Variants in CFAP299 observed in about 807,000 individuals in gnomAD.
CFAP299 encodes the protein cilia and flagella associated protein 299, also known as cilia- and flagella-associated protein 299.
A neutral mutation model predicts 27.0 loss-of-function variants in CFAP299; 21 were observed. That is an observed-to-expected ratio of 0.78 (90% CI 0.55 to 1.12). The LOEUF (loss-of-function observed/expected upper bound fraction) is 1.12, where lower values mean the gene tolerates loss of function less well. CFAP299 is among the 50% of genes most tolerant of loss of function. The pLI, the probability that CFAP299 is intolerant of heterozygous loss-of-function variation, is 0.00. For synonymous variants in CFAP299, 104 were observed against 98.1 expected (o/e 1.06, Z -0.36); for missense variants, 310 against 276.6 (o/e 1.12, Z -0.86).
chr4:80,901,179 CA>C (rs930598724), intron 4 of CFAP299, among the ~76,000 whole-genome samples: 6 of 151,344 alleles, frequency 4.0e-5, no homozygotes, highest in Admixed American at 2.6e-4. Context: ...TTATGGAGGG[CA>C]AAAAAAATAT....
At chr4:80,401,746 A>G (rs529883988) in intron 2 of CFAP299, among the ~76,000 whole-genome samples, 37 of 152,302 alleles carry the variant, frequency 2.4e-4, no homozygotes, top group African/African-American at 8.4e-4. Flanking sequence ...AAAGAGGGCA[A>G]CCATCCTCCA....
At chr4:80,916,228 C>T (rs2110207405) in intron 4 of CFAP299, among the ~76,000 whole-genome samples, 2 of 132,918 alleles carry the variant, frequency 1.5e-5, no homozygotes, top group South Asian at 5.0e-4. Context: ...TACCATTGCA[C>T]TCTGGTCTGG....
At chr4:80,734,542 A>C (rs1723743041) in intron 3 of CFAP299, among the ~76,000 whole-genome samples, 1 of 152,154 alleles carries the variant, frequency 6.6e-6, no homozygotes, top group Non-Finnish European at 1.5e-5. Context: ...ATTTTTGCCC[A>C]GACCAATGTC....
intron 2 of CFAP299, chr4:80,386,223 TGGGCCCTCGGCCCCG>T: frequency 9.9e-7 from 1 of 1,010,262 alleles, no homozygotes; most frequent in Non-Finnish European, 1.5e-6. Flanking sequence ...GCATGGCACA[TGGGCCCTCGGCCCCG>T]GCCTGCAGCC....
In CFAP299 at chr4:80,785,518, C is replaced by T. The variant is rs574122046; in HGVS notation, c.334-84475C>T. Among the ~76,000 whole-genome samples, 6 of 152,238 alleles carry T rather than the reference C, an allele frequency of 3.9e-5. No homozygotes were observed. The East Asian group carries it at 1.2e-3, about 29-fold the overall frequency. Reference sequence around the variant, plus strand: ...TTGGCAATTTTCTGCTGGATGCTTGCATTAAATGCCCCAAACATTTATTTA... The same window carrying T: ...TTGGCAATTTTCTGCTGGATGCTTGTATTAAATGCCCCAAACATTTATTTA... On this transcript the variant is annotated intron_variant, in intron 3 of 5. Coordinates refer to ENST00000358105, the MANE Select transcript of CFAP299 (RefSeq NM_152770.3).
chr4:80,800,436 T>A (rs1380821692), intron 3 of CFAP299, among the ~76,000 whole-genome samples: 1 of 62,392 alleles, frequency 1.6e-5, no homozygotes, highest in African/African-American at 6.8e-5. Context: ...ATATAATATA[T>A]AATATATTGA....
At chr4:80,324,726 T>G in the CFAP299 span, among the ~76,000 whole-genome samples, 1 of 152,338 alleles carries the variant, frequency 6.6e-6, no homozygotes, top group East Asian at 1.9e-4. Flanking sequence ...ATCAACAATC[T>G]TTTTTAACAA....
In CFAP299 at chr4:80,626,233, A is replaced by G. The variant is rs531613474; in HGVS notation, c.333+43050A>G. 5.9e-5 allele frequency among the ~76,000 whole-genome samples: 9 copies of G among 152,116 alleles called. No individual in the cohort carries two copies. In the South Asian group the frequency reaches 6.2e-4, roughly 10 times the overall value. ...TAATTAGAATTAACATAAATTAATT[A>G]GAGGAGACACTTTGGAAAATTTGGC... On this transcript the variant is annotated intron_variant, in intron 3 of 5. Coordinates refer to ENST00000358105, the MANE Select transcript of CFAP299 (RefSeq NM_152770.3).
intron 3 of CFAP299, among the ~76,000 whole-genome samples, chr4:80,838,960 C>A (rs1206799081): frequency 6.6e-6 from 1 of 152,072 alleles, no homozygotes; most frequent in South Asian, 2.1e-4. Flanking sequence ...TTACAATGAG[C>A]CTGGACTGAT....
At chr4:80,777,262 A>T (rs1726602684) in intron 3 of CFAP299, among the ~76,000 whole-genome samples, 1 of 152,124 alleles carries the variant, frequency 6.6e-6, no homozygotes, top group African/African-American at 2.4e-5. Flanking sequence ...ATGTGTTCAG[A>T]TACAATATTT....
At chr4:80,962,818 A>G (rs1363829989) in intron 5 of CFAP299, among the ~76,000 whole-genome samples, 1 of 152,038 alleles carries the variant, frequency 6.6e-6, no homozygotes, top group African/African-American at 2.4e-5. Flanking sequence ...TTCTAATTGT[A>G]CATACTGTGC....
intron 3 of CFAP299, among the ~76,000 whole-genome samples, chr4:80,843,919 A>G (rs967950631): frequency 1.4e-4 from 21 of 151,710 alleles, no homozygotes; most frequent in Non-Finnish European, 4.4e-5. Flanking sequence ...ACTCTCCACA[A>G]TAGTCCCCGG....
At chr4:80,350,008 G>C (rs1452155895) in intron 1 of CFAP299, among the ~76,000 whole-genome samples, 1 of 151,904 alleles carries the variant, frequency 6.6e-6, no homozygotes, top group Admixed American at 6.6e-5. Context: ...AAATAAGTGA[G>C]TTTAGAAAGG....
chr4:80,490,387 G>T (rs540270930), intron 2 of CFAP299, among the ~76,000 whole-genome samples: 1 of 152,226 alleles, frequency 6.6e-6, no homozygotes, highest in South Asian at 2.1e-4. Flanking sequence ...GCCTATACTT[G>T]TCTCTCTTAT....
intron 2 of CFAP299, among the ~76,000 whole-genome samples, chr4:80,385,126 AT>A (rs1724902741): frequency 6.6e-6 from 1 of 152,082 alleles, no homozygotes; most frequent in African/African-American, 2.4e-5. Context: ...TCTTTCAGCA[AT>A]TTTTGAGTAT....
At chr4:80,760,409 A>T (rs1373693316) in intron 3 of CFAP299, among the ~76,000 whole-genome samples, 1 of 152,112 alleles carries the variant, frequency 6.6e-6, no homozygotes, top group Non-Finnish European at 1.5e-5. Flanking sequence ...AGCCACCACC[A>T]CCTCTGCATC....
At chr4:80,566,394 TC>T (rs773231224) in intron 2 of CFAP299, among the ~76,000 whole-genome samples, 6 of 152,038 alleles carry the variant, frequency 3.9e-5, no homozygotes, top group Non-Finnish European at 5.9e-5. Flanking sequence ...AGCCTGCAAT[TC>T]CTGAAGAATG....
chr4:80,618,029 A>G (rs1386034904), intron 3 of CFAP299, among the ~76,000 whole-genome samples: 1 of 152,168 alleles, frequency 6.6e-6, no homozygotes, highest in Admixed American at 6.6e-5. Context: ...TGGAGGAATA[A>G]AAGAAAAATT....
intron 3 of CFAP299, among the ~76,000 whole-genome samples, chr4:80,686,933 T>C (rs1043686161): frequency 1.3e-5 from 2 of 152,218 alleles, no homozygotes; most frequent in Non-Finnish European, 2.9e-5. Flanking sequence ...GCTTTCAAAT[T>C]AGATGTATTC....
Sources: gnomAD v4.1 joint callset for allele counts (sites outside exome capture counted in the v4.1 genomes callset) on GRCh38, gnomAD v4.1.1 for gene constraint, MANE v1.5 for transcripts, NCBI Gene and HGNC (gene_info 2026-07-23, HGNC 2026-07-21) for gene names.